The following SLC2A13 variants were observed in gnomAD, a reference collection of about 807,000 sequenced individuals.
SLC2A13 encodes proton myo-inositol cotransporter.
A neutral mutation model predicts 64.4 loss-of-function variants in SLC2A13; 32 were observed. That is an observed-to-expected ratio of 0.50 (90% CI 0.37 to 0.67). SLC2A13 has a LOEUF of 0.67. Ranked by LOEUF, SLC2A13 falls within the 30% of genes least tolerant of loss-of-function variation. The pLI is 0.00. For synonymous variants in SLC2A13, 338 were observed against 327.1 expected, an observed-to-expected ratio of 1.03 and a Z score of -0.36; for missense variants, 743 against 829.2, an observed-to-expected ratio of 0.90 and a Z score of 1.28.
At chr12:39,952,211 C>T (rs1946243892) in intron 3 of SLC2A13, among the ~76,000 whole-genome samples, 1 of 152,126 alleles carries the variant, frequency 6.6e-6, no homozygotes, top group Non-Finnish European at 1.5e-5. Flanking sequence ...CCCTTCCAGC[C>T]TCATAAGTGT....
At chr12:40,043,197 T>C (rs1948120792) in intron 2 of SLC2A13, among the ~76,000 whole-genome samples, 1 of 152,174 alleles carries the variant, frequency 6.6e-6, no homozygotes, top group South Asian at 2.1e-4. Flanking sequence ...AGACAGATCA[T>C]TCTGATGGCT....
intron 4 of SLC2A13, among the ~76,000 whole-genome samples, chr12:39,891,894 T>C (rs1944618308): frequency 1.3e-5 from 2 of 152,182 alleles, no homozygotes; most frequent in Admixed American, 1.3e-4. Flanking sequence ...TTATTATTAG[T>C]TGTCTATGGT....
intron 3 of SLC2A13, among the ~76,000 whole-genome samples, chr12:39,957,847 T>A (rs1565561536): frequency 1.3e-5 from 2 of 152,134 alleles, no homozygotes; most frequent in South Asian, 2.1e-4. Context: ...GCCTACTCCA[T>A]GCTAGGGACA....
intron 1 of SLC2A13, among the ~76,000 whole-genome samples, chr12:40,068,855 G>A (rs1235414271): frequency 6.7e-6 from 1 of 149,598 alleles, no homozygotes; most frequent in African/African-American, 2.5e-5. Flanking sequence ...TCCACTCACT[G>A]ATGAGAGGTA....
intron 7 of SLC2A13, among the ~76,000 whole-genome samples, chr12:39,817,997 C>T (rs1405737251): frequency 6.6e-6 from 1 of 152,154 alleles, no homozygotes; most frequent in Non-Finnish European, 1.5e-5. Flanking sequence ...TCTGCTTTGT[C>T]CTTTCAAGTA....
chr12:39,968,005 T>A (rs561162928), intron 3 of SLC2A13, among the ~76,000 whole-genome samples: 83 of 152,286 alleles, frequency 5.5e-4, no homozygotes, highest in Non-Finnish European at 1.0e-3. Flanking sequence ...ACCTCAAAAA[T>A]CTTGAACCAC....
chr12:40,007,420 A>G (rs1947441743), intron 3 of SLC2A13, among the ~76,000 whole-genome samples: 1 of 152,114 alleles, frequency 6.6e-6, no homozygotes, highest in African/African-American at 2.4e-5. Flanking sequence ...TTGCTATCCA[A>G]AAAAAAGCCA....
chr12:39,833,895 A>G (rs1342364020), intron 6 of SLC2A13, among the ~76,000 whole-genome samples: 1 of 148,064 alleles, frequency 6.8e-6, no homozygotes, highest in African/African-American at 2.5e-5. Flanking sequence ...ATGGTCATAA[A>G]AAAAAAAAAA....
chr12:39,947,699 C>CGCTT (rs1202767127), intron 4 of SLC2A13, among the ~76,000 whole-genome samples: 1 of 138,356 alleles, frequency 7.2e-6, no homozygotes, highest in Non-Finnish European at 1.5e-5. Context: ...GTCGCTCAGT[C>CGCTT]GCCCAGGCTG....
intron 4 of SLC2A13, among the ~76,000 whole-genome samples, chr12:39,875,750 G>A (rs1944166722): frequency 6.6e-6 from 1 of 152,218 alleles, no homozygotes; most frequent in Non-Finnish European, 1.5e-5. Context: ...AATTTTAAAA[G>A]TCAGGTCATG....
intron 4 of SLC2A13, among the ~76,000 whole-genome samples, chr12:39,904,358 A>G (rs1432562093): frequency 6.6e-6 from 1 of 152,116 alleles, no homozygotes; most frequent in Non-Finnish European, 1.5e-5. Flanking sequence ...CCATTTAGGA[A>G]AAGTTTTATA....
chr12:40,046,892 C>T (rs1948179490), intron 2 of SLC2A13, among the ~76,000 whole-genome samples: 1 of 151,628 alleles, frequency 6.6e-6, no homozygotes, highest in Admixed American at 6.6e-5. Context: ...CATATTGCAC[C>T]TTTTTCTTTC....
chr12:40,007,249 T>C (rs1218582663), intron 3 of SLC2A13, among the ~76,000 whole-genome samples: 1 of 152,224 alleles, frequency 6.6e-6, no homozygotes, highest in Non-Finnish European at 1.5e-5. Context: ...GAAACTTTTG[T>C]TTCCTTATAC....
intron 1 of SLC2A13, among the ~76,000 whole-genome samples, chr12:40,093,790 T>C (rs1302317506): frequency 1.3e-5 from 2 of 150,620 alleles, no homozygotes; most frequent in African/African-American, 2.4e-5. Flanking sequence ...GGAAAAGCAG[T>C]AGGAAATCAA....
rs113807623 is a variant in SLC2A13, at chr12:39,952,701, C to T, written c.926-1336G>A. Among the ~76,000 whole-genome samples, 25 of 152,186 alleles carry T rather than the reference C, an allele frequency of 1.6e-4. 1 individual carries two copies. The South Asian group carries it at 3.3e-3, about 20-fold the overall frequency. On this transcript the variant is annotated intron_variant, in intron 3 of 9. Coordinates refer to ENST00000280871, the MANE Select transcript of SLC2A13 (RefSeq NM_052885.4). ...GGTCATTCAAAGCTAAATGTAGTGA[C>T]GATCCATTTAGAAAGCAGACTGAGG...
At chr12:39,965,537 C>T (rs537516131) in intron 3 of SLC2A13, among the ~76,000 whole-genome samples, 2 of 152,100 alleles carry the variant, frequency 1.3e-5, no homozygotes, top group South Asian at 2.1e-4. Context: ...ATCCAATTTA[C>T]GTACCAAGAA....
At chr12:39,825,875 A>G (rs1033957525) in intron 7 of SLC2A13, among the ~76,000 whole-genome samples, 3 of 152,024 alleles carry the variant, frequency 2.0e-5, no homozygotes, top group Admixed American at 1.3e-4. Flanking sequence ...CTGTTTAGTT[A>G]TTAATTTTAA....
intron 1 of SLC2A13, among the ~76,000 whole-genome samples, chr12:40,098,122 T>C (rs956201165): frequency 2.0e-5 from 3 of 151,908 alleles, no homozygotes; most frequent in African/African-American, 7.2e-5. Context: ...TGTGTGTATA[T>C]ATAGGTGTGT....
intron 1 of SLC2A13, among the ~76,000 whole-genome samples, chr12:40,084,381 T>C (rs1410857555): frequency 2.6e-5 from 4 of 152,170 alleles, no homozygotes; most frequent in Non-Finnish European, 5.9e-5. Context: ...GCAACAGTTT[T>C]CCATTAAAAA....
Sources: gnomAD v4.1 joint callset for allele counts (sites outside exome capture counted in the v4.1 genomes callset) on GRCh38, gnomAD v4.1.1 for gene constraint, MANE v1.5 for transcripts, NCBI Gene and HGNC (gene_info 2026-07-23, HGNC 2026-07-21) for gene names.